Variants in KRT8 observed in about 807,000 individuals in gnomAD.
The protein encoded by KRT8 is keratin, type II cytoskeletal 8.
KRT8 carries 24 observed loss-of-function variants against 43.0 expected under a neutral mutation model. The ratio of observed to expected loss-of-function variants is 0.56; its 90% CI spans 0.40 to 0.78. The LOEUF (loss-of-function observed/expected upper bound fraction) is 0.78, where lower values mean the gene tolerates loss of function less well. Ranked by LOEUF, KRT8 falls within the 30% of genes least tolerant of loss-of-function variation. KRT8 has a pLI of 0.00. For synonymous variants in KRT8, 214 were observed against 261.2 expected, an observed-to-expected ratio of 0.82 and a Z score of 1.74; for missense variants, 492 against 638.4, an observed-to-expected ratio of 0.77 and a Z score of 2.47.
chr12:52,933,074 G>C (rs1341975661), intron 2 of KRT8, among the ~76,000 whole-genome samples: 2 of 152,062 alleles, frequency 1.3e-5, no homozygotes, highest in African/African-American at 4.8e-5. Flanking sequence ...CTCCCAAGTA[G>C]CTGGGATTAC....
At chr12:52,918,215 A>AAGG (rs1565725763) in intron 2 of KRT8, among the ~76,000 whole-genome samples, 81 of 134,328 alleles carry the variant, frequency 6.0e-4, no homozygotes, top group Non-Finnish European at 8.7e-4. Flanking sequence ...CAAGAAGAAG[A>AAGG]AGAAGAAGAA....
chr12:52,906,164 C>T (rs1941513849), upstream of KRT8, among the ~76,000 whole-genome samples: 1 of 152,204 alleles, frequency 6.6e-6, no homozygotes, highest in Non-Finnish European at 1.5e-5. Context: ...ATCCTAGGAT[C>T]CCCTGGGCCA....
intron 2 of KRT8, among the ~76,000 whole-genome samples, chr12:52,918,196 G>GAACAAGAAC (rs1565725641): frequency 7.9e-6 from 1 of 125,798 alleles, no homozygotes; most frequent in Non-Finnish European, 1.7e-5. Flanking sequence ...AGAAGAAGAA[G>GAACAAGAAC]AAGAAGAACA....
At chr12:52,898,815 G>A in exon 6 of KRT8, 1 of 1,614,172 alleles carries the variant, frequency 6.2e-7, no homozygotes, top group Non-Finnish European at 8.5e-7. Flanking sequence ...GCGGCCTCCA[G>A]CTCGGACAAC....
chr12:52,924,317 C>T (rs187173474), intron 2 of KRT8, among the ~76,000 whole-genome samples: 163 of 151,946 alleles, frequency 1.1e-3, no homozygotes, highest in African/African-American at 3.6e-3. Flanking sequence ...GGCATGGTGG[C>T]GGGCGTCTGT....
intron 2 of KRT8, among the ~76,000 whole-genome samples, chr12:52,936,567 C>T (rs2120714775): frequency 6.6e-6 from 1 of 152,248 alleles, no homozygotes; most frequent in African/African-American, 2.4e-5. Flanking sequence ...GGCTGGAGTG[C>T]AATGGCGCAA....
intron 2 of KRT8, among the ~76,000 whole-genome samples, chr12:52,918,425 C>A (rs969825209): frequency 3.3e-5 from 5 of 152,034 alleles, no homozygotes; most frequent in African/African-American, 1.2e-4. Flanking sequence ...CCCACCAGGC[C>A]GAGATGGAAA....
chr12:52,918,165 A>AGAG (rs1248824600), intron 2 of KRT8, among the ~76,000 whole-genome samples: 6 of 127,622 alleles, frequency 4.7e-5, no homozygotes, highest in South Asian at 2.6e-4. Context: ...GGGAAGAAGA[A>AGAG]GAAGAAGAGG....
At chr12:52,921,038 A>G (rs1224618349) in intron 2 of KRT8, among the ~76,000 whole-genome samples, 1 of 152,156 alleles carries the variant, frequency 6.6e-6, no homozygotes, top group East Asian at 1.9e-4. Context: ...ACTCAGATAC[A>G]ATGACCCATT....
intron 2 of KRT8, among the ~76,000 whole-genome samples, chr12:52,929,624 C>A (rs781226287): frequency 1.3e-5 from 2 of 152,166 alleles, no homozygotes; most frequent in Non-Finnish European, 2.9e-5. Flanking sequence ...CACCTGTAAT[C>A]ATTAATCTTC....
intron 2 of KRT8, among the ~76,000 whole-genome samples, chr12:52,919,146 C>A (rs1409864159): frequency 6.6e-6 from 1 of 152,194 alleles, no homozygotes; most frequent in Non-Finnish European, 1.5e-5. Context: ...CAGAGCCCTG[C>A]CTACTGACGC....
At chr12:52,938,066 C>A (rs190312097) in intron 2 of KRT8, among the ~76,000 whole-genome samples, 21 of 139,780 alleles carry the variant, frequency 1.5e-4, no homozygotes, top group Non-Finnish European at 2.8e-4. Flanking sequence ...TGAAAAGATG[C>A]CCAATATCAT....
At chr12:52,910,380 G>T (rs1006649535), upstream of KRT8, among the ~76,000 whole-genome samples, 1 of 152,214 alleles carries the variant, frequency 6.6e-6, no homozygotes, top group African/African-American at 2.4e-5. Flanking sequence ...CCTCTTCCCA[G>T]AGGAAATAGG....
rs977801741 is a variant in KRT8, at chr12:52,921,294, A to T, written c.-46-16267T>A. On this transcript the variant is annotated intron_variant, in intron 2 of 6. Transcript: ENST00000546826. ...GGGTGACCATCCAGGGAACATTAAG[A>T]GAAGCTTAAGTAGCAACAGCAGCCT... Among the ~76,000 whole-genome samples, 3 of 152,190 alleles carry T rather than the reference A, an allele frequency of 2.0e-5. No individual in the cohort carries two copies. In the South Asian group the frequency reaches 6.2e-4, roughly 31 times the overall value.
Position 52,902,315 on chromosome 12 carries a change from T to C in KRT8, c.325-243A>G. ...GGGAAGGAGACAGGTAAGGTAATTATGTTAAAGCTGCATTTGCAAACCAAT... is the reference window on the plus strand; with the variant it reads ...GGGAAGGAGACAGGTAAGGTAATTACGTTAAAGCTGCATTTGCAAACCAAT... On this transcript the variant is annotated intron_variant, in intron 1 of 7. Transcript: ENST00000692008. 5.5e-6 allele frequency: 3 copies of C among 543,006 alleles called. No homozygotes were observed. In the South Asian group the frequency reaches 6.2e-5, roughly 11 times the overall value. 33.6% of individuals were successfully genotyped at this position (543,006 alleles called of 1,614,324 possible). A position where few individuals can be genotyped will look rare whatever the true frequency, so the allele number is the denominator to read the frequency against.
At chr12:52,928,990 C>T (rs145477451) in intron 2 of KRT8, among the ~76,000 whole-genome samples, 4 of 152,314 alleles carry the variant, frequency 2.6e-5, no homozygotes, top group African/African-American at 9.6e-5. Context: ...TACAGCCAAG[C>T]TTCCCAAGAG....
intron 2 of KRT8, among the ~76,000 whole-genome samples, chr12:52,942,556 G>A (rs1300860211): frequency 2.0e-5 from 3 of 151,954 alleles, no homozygotes; most frequent in East Asian, 1.9e-4. Context: ...TCCAACTGCC[G>A]TGCCACCTCA....
chr12:52,935,715 C>T (rs1012466924), intron 2 of KRT8, among the ~76,000 whole-genome samples: 1 of 150,838 alleles, frequency 6.6e-6, no homozygotes, highest in African/African-American at 2.4e-5. Flanking sequence ...GTGATCATAG[C>T]TCCATATAAC....
At chr12:52,934,077 A>C (rs1016935897) in intron 2 of KRT8, among the ~76,000 whole-genome samples, 1 of 151,558 alleles carries the variant, frequency 6.6e-6, no homozygotes, top group Non-Finnish European at 1.5e-5. Flanking sequence ...CAAAATACAA[A>C]AATTAGCCGG....
Sources: allele counts gnomAD v4.1 joint callset (sites outside exome capture counted in the v4.1 genomes callset), GRCh38; gene constraint gnomAD v4.1.1; transcripts MANE v1.5; gene names NCBI Gene and HGNC (gene_info 2026-07-23, HGNC 2026-07-21).